NR6A1: variants seen among roughly 807,000 people sequenced by gnomAD.
NR6A1 encodes retinoic acid receptor-related testis-associated receptor.
In NR6A1, 7 loss-of-function variants were observed where a neutral mutation model predicts 59.1. The observed-to-expected ratio is 0.12, with a 90% CI of 0.07 to 0.22. The LOEUF is 0.22. Ranked by LOEUF, NR6A1 falls within the 10% of genes least tolerant of loss-of-function variation. The pLI is 1.00. For synonymous variants in NR6A1, 243 were observed against 236.1 expected (o/e 1.03, Z -0.27); for missense variants, 468 against 611.6 (o/e 0.77, Z 2.48).
chr9:124,595,981 C>T (rs1354619352), intron 2 of NR6A1: 1 of 165,232 alleles, frequency 6.1e-6, no homozygotes, highest in Non-Finnish European at 1.3e-5. Context: ...TCGTTTATTA[C>T]CAAAGGTTAT....
chr9:124,563,158 T>C (rs1157630865), intron 2 of NR6A1, among the ~76,000 whole-genome samples: 3 of 152,238 alleles, frequency 2.0e-5, no homozygotes, highest in Non-Finnish European at 4.4e-5. Flanking sequence ...GAACAAATGG[T>C]ATGGCTTGGT....
At chr9:124,635,689 G>A (rs369610148) in intron 2 of NR6A1, among the ~76,000 whole-genome samples, 4 of 152,142 alleles carry the variant, frequency 2.6e-5, no homozygotes, top group African/African-American at 9.6e-5. Context: ...ATGTCTCTTC[G>A]TGACATGACA....
At chr9:124,633,455 A>G (rs1377919252) in intron 2 of NR6A1, among the ~76,000 whole-genome samples, 1 of 151,494 alleles carries the variant, frequency 6.6e-6, no homozygotes, top group East Asian at 1.9e-4. Context: ...CAAGGTAGGG[A>G]AGGGGTAGGG....
At chr9:124,763,433 T>C (rs1840836782) in intron 1 of NR6A1, among the ~76,000 whole-genome samples, 1 of 152,202 alleles carries the variant, frequency 6.6e-6, no homozygotes, top group South Asian at 2.1e-4. Flanking sequence ...TTAAAATATA[T>C]TTAAGAACAT....
At chr9:124,724,551 T>G (rs1822941568) in intron 2 of NR6A1, among the ~76,000 whole-genome samples, 1 of 151,858 alleles carries the variant, frequency 6.6e-6, no homozygotes, top group African/African-American at 2.4e-5. Flanking sequence ...AAAAAAAAAT[T>G]CAATCTTCAA....
intron 2 of NR6A1, among the ~76,000 whole-genome samples, chr9:124,681,286 T>C (rs1444680593): frequency 6.6e-6 from 1 of 151,798 alleles, no homozygotes; most frequent in Non-Finnish European, 1.5e-5. Flanking sequence ...AGTGAGTATG[T>C]CACTTCAAGG....
rs566804740 is a variant in NR6A1, at chr9:124,599,804, T to C, written c.143-45234A>G. ...GAAGAGGCAGGAGTCATCAGACCAA[T>C]AGAGAAGAAAATAAAATATCCTAGT... On this transcript the variant is annotated intron_variant, in intron 2 of 9. Coordinates refer to ENST00000487099, the MANE Select transcript of NR6A1 (RefSeq NM_033334.4). Among the ~76,000 whole-genome samples, 43 of 152,276 alleles carry C rather than the reference T, an allele frequency of 2.8e-4. 1 individual carries two copies. The highest frequency in any genetic ancestry group is 9.4e-4 in the African/African-American group (39 of 41,572).
intron 2 of NR6A1, among the ~76,000 whole-genome samples, chr9:124,673,985 T>A (rs868217697): frequency 2.0e-5 from 3 of 152,180 alleles, no homozygotes; most frequent in Non-Finnish European, 4.4e-5. Context: ...TCTTCAAATC[T>A]CAGCTCTGTC....
chr9:124,586,860 G>T (rs1834952066), intron 2 of NR6A1, among the ~76,000 whole-genome samples: 1 of 152,234 alleles, frequency 6.6e-6, no homozygotes, highest in Non-Finnish European at 1.5e-5. Context: ...GACAACAAAA[G>T]ATTTAGAATA....
intron 2 of NR6A1, among the ~76,000 whole-genome samples, chr9:124,601,311 G>T (rs535423059): frequency 6.6e-6 from 1 of 152,002 alleles, no homozygotes; most frequent in South Asian, 2.1e-4. Context: ...CTGGCCAGGT[G>T]TGGTGGCTCA....
chr9:124,693,653 AAAG>A (rs1385883286), intron 2 of NR6A1: 48 of 524,302 alleles, frequency 9.2e-5, no homozygotes, highest in Admixed American at 8.3e-4. Flanking sequence ...CTGAGATGGA[AAAG>A]AAGAGCCAGG....
intron 4 of NR6A1, among the ~76,000 whole-genome samples, chr9:124,541,464 ACAC>A (rs958939919): frequency 2.6e-5 from 4 of 152,196 alleles, no homozygotes; most frequent in Admixed American, 2.0e-4. Context: ...ATGTAAAAGA[ACAC>A]AACAACAACA....
intron 1 of NR6A1, among the ~76,000 whole-genome samples, chr9:124,769,585 C>T (rs926952648): frequency 6.6e-6 from 1 of 152,194 alleles, no homozygotes; most frequent in African/African-American, 2.4e-5. Context: ...CTAACTGTCC[C>T]GGGTGTTTGC....
intron 2 of NR6A1, among the ~76,000 whole-genome samples, chr9:124,584,530 T>C (rs898724977): frequency 1.3e-5 from 2 of 152,246 alleles, no homozygotes; most frequent in Non-Finnish European, 2.9e-5. Context: ...GTAAGTCTTG[T>C]AATATTTCAA....
At chr9:124,639,787 G>C (rs910140810) in intron 2 of NR6A1, among the ~76,000 whole-genome samples, 2 of 152,232 alleles carry the variant, frequency 1.3e-5, no homozygotes. Flanking sequence ...TAGCAATGCA[G>C]AGGTCTGTGG....
intron 2 of NR6A1, among the ~76,000 whole-genome samples, chr9:124,630,261 G>A (rs1474358255): frequency 2.1e-5 from 3 of 143,202 alleles, no homozygotes; most frequent in Non-Finnish European, 4.5e-5. Flanking sequence ...TGTTGCCCAG[G>A]CTGGAGTGCA....
chr9:124,698,830 T>C (rs963672437), intron 2 of NR6A1, among the ~76,000 whole-genome samples: 3 of 152,146 alleles, frequency 2.0e-5, no homozygotes, highest in Non-Finnish European at 4.4e-5. Context: ...CTGGCTATAC[T>C]TGCCACAGAA....
chr9:124,525,677 A>ATCTC (rs71980445), intron 8 of NR6A1, among the ~76,000 whole-genome samples: 2,071 of 149,226 alleles, frequency 0.014, 24 homozygotes, highest in Non-Finnish European at 0.022. Flanking sequence ...TTCTAAATAG[A>ATCTC]TCTCTCTCTC....
chr9:124,597,745 G>GT (rs1450930025), intron 2 of NR6A1, among the ~76,000 whole-genome samples: 2 of 152,176 alleles, frequency 1.3e-5, no homozygotes, highest in African/African-American at 4.8e-5. Context: ...AGTCCCACAA[G>GT]TTTTTTGAGA....
Sources: gnomAD v4.1 joint callset for allele counts (sites outside exome capture counted in the v4.1 genomes callset) on GRCh38, gnomAD v4.1.1 for gene constraint, MANE v1.5 for transcripts, NCBI Gene and HGNC (gene_info 2026-07-23, HGNC 2026-07-21) for gene names.